Variants in ARL15 observed in about 807,000 individuals in gnomAD.
ARL15 encodes ARF like GTPase 15.
A neutral mutation model predicts 25.2 loss-of-function variants in ARL15; 19 were observed. That is an observed-to-expected ratio of 0.75 (90% CI 0.53 to 1.10). The LOEUF (loss-of-function observed/expected upper bound fraction) is 1.10, where lower values mean the gene tolerates loss of function less well. ARL15 is among the 50% of genes least tolerant of loss of function. The pLI, the probability that ARL15 is intolerant of heterozygous loss-of-function variation, is 0.00. For synonymous variants in ARL15, 94 were observed against 86.8 expected, an observed-to-expected ratio of 1.08 and a Z score of -0.46; for missense variants, 220 against 246.0, an observed-to-expected ratio of 0.89 and a Z score of 0.71.
chr5:54,095,825 AC>A (rs1194866738), intron 4 of ARL15, among the ~76,000 whole-genome samples: 7 of 152,186 alleles, frequency 4.6e-5, no homozygotes, highest in Admixed American at 6.5e-5. Flanking sequence ...CATAAAAAAA[AC>A]ATCCAAAGAG....
At chr5:54,081,329 C>T (rs1751790452) in intron 4 of ARL15, among the ~76,000 whole-genome samples, 1 of 152,110 alleles carries the variant, frequency 6.6e-6, no homozygotes, top group Admixed American at 6.5e-5. Flanking sequence ...CATGGGTACT[C>T]TACTAATGAT....
At chr5:54,135,993 A>G (rs1039952239) in intron 3 of ARL15, among the ~76,000 whole-genome samples, 8 of 152,276 alleles carry the variant, frequency 5.3e-5, no homozygotes, top group Non-Finnish European at 8.8e-5. Context: ...AAATCTGGAA[A>G]ACACTGCCTT....
At chr5:54,197,117 C>A (rs968644201) in intron 1 of ARL15, among the ~76,000 whole-genome samples, 10 of 151,758 alleles carry the variant, frequency 6.6e-5, no homozygotes, top group Non-Finnish European at 1.2e-4. Context: ...TATTTGTTTT[C>A]AGTTTGTTTT....
At chr5:53,913,964 G>A (rs1745546402) in intron 4 of ARL15, among the ~76,000 whole-genome samples, 1 of 152,078 alleles carries the variant, frequency 6.6e-6, no homozygotes, top group South Asian at 2.1e-4. Context: ...CTTATAAACA[G>A]CTTCTTCCCT....
intron 1 of ARL15, among the ~76,000 whole-genome samples, chr5:54,206,157 T>C (rs998160333): frequency 2.0e-5 from 3 of 152,198 alleles, no homozygotes; most frequent in Admixed American, 6.5e-5. Context: ...AGTAGTTACA[T>C]AGTTTATGTA....
At chr5:53,992,436 C>T (rs1748534079) in intron 4 of ARL15, among the ~76,000 whole-genome samples, 1 of 152,120 alleles carries the variant, frequency 6.6e-6, no homozygotes, top group Non-Finnish European at 1.5e-5. Flanking sequence ...CATCTTATAC[C>T]TAGTTAAAAG....
chr5:54,275,124 A>C (rs1028414534), intron 1 of ARL15, among the ~76,000 whole-genome samples: 2 of 152,188 alleles, frequency 1.3e-5, no homozygotes, highest in Non-Finnish European at 2.9e-5. Flanking sequence ...ACACAACACA[A>C]AACCAGTCTT....
chr5:54,017,593 A>G (rs1294305767), intron 4 of ARL15, among the ~76,000 whole-genome samples: 1 of 125,782 alleles, frequency 8.0e-6, no homozygotes, highest in Non-Finnish European at 1.9e-5. Context: ...GGAAGAAAAA[A>G]AAAAAAAAAA....
intron 4 of ARL15, among the ~76,000 whole-genome samples, chr5:53,950,169 C>T (rs1486840950): frequency 1.3e-5 from 2 of 151,800 alleles, no homozygotes; most frequent in Non-Finnish European, 2.9e-5. Context: ...TGGCTCATGC[C>T]TGTAATCCCA....
At chr5:54,176,166 T>C (rs1754865290) in intron 1 of ARL15, among the ~76,000 whole-genome samples, 1 of 152,194 alleles carries the variant, frequency 6.6e-6, no homozygotes, top group Non-Finnish European at 1.5e-5. Flanking sequence ...CCACAGGCTG[T>C]GGAAATAAGG....
intron 3 of ARL15, among the ~76,000 whole-genome samples, chr5:54,131,387 T>C (rs549180808): frequency 2.6e-5 from 4 of 152,322 alleles, no homozygotes; most frequent in African/African-American, 9.6e-5. Flanking sequence ...TGGTTTGAAT[T>C]TCTCCTCCTC....
At chr5:54,004,200 G>C (rs959973902) in intron 4 of ARL15, among the ~76,000 whole-genome samples, 1 of 152,160 alleles carries the variant, frequency 6.6e-6, no homozygotes, top group Non-Finnish European at 1.5e-5. Context: ...CAGTAAGGTA[G>C]TTAAATATTC....
intron 4 of ARL15, among the ~76,000 whole-genome samples, chr5:53,892,627 G>T (rs2111903117): frequency 6.7e-6 from 1 of 149,056 alleles, no homozygotes; most frequent in South Asian, 2.1e-4. Flanking sequence ...TAAAGAAATA[G>T]GCCCTAGCTC....
At chr5:53,920,909 T>C (rs979429292) in intron 4 of ARL15, among the ~76,000 whole-genome samples, 2 of 152,134 alleles carry the variant, frequency 1.3e-5, no homozygotes, top group Non-Finnish European at 2.9e-5. Flanking sequence ...ACTTTTGTGA[T>C]GTCCCCTTTT....
chr5:54,259,371 A>T (rs1195197288), intron 1 of ARL15, among the ~76,000 whole-genome samples: 1 of 152,178 alleles, frequency 6.6e-6, no homozygotes, highest in East Asian at 1.9e-4. Flanking sequence ...TATATAAGTA[A>T]ACTGGAAAAC....
chr5:54,025,842 T>G (rs552726018), intron 4 of ARL15, among the ~76,000 whole-genome samples: 5 of 152,336 alleles, frequency 3.3e-5, no homozygotes, highest in African/African-American at 1.2e-4. Flanking sequence ...TGCATCTTCT[T>G]GGAACTTTTT....
At chr5:53,892,206 A>G (rs922650069) in intron 4 of ARL15, among the ~76,000 whole-genome samples, 6 of 152,366 alleles carry the variant, frequency 3.9e-5, no homozygotes, top group Non-Finnish European at 7.3e-5. Flanking sequence ...TCTGGATAGA[A>G]GACTGTTAAA....
chr5:53,978,220 T>C (rs1022090466), intron 4 of ARL15, among the ~76,000 whole-genome samples: 4 of 152,214 alleles, frequency 2.6e-5, no homozygotes, highest in Non-Finnish European at 5.9e-5. Flanking sequence ...AGTTCAGGAA[T>C]GTTTATGGGT....
chr5:54,065,640 C>T (rs1039600980), intron 4 of ARL15, among the ~76,000 whole-genome samples: 1 of 151,780 alleles, frequency 6.6e-6, no homozygotes, highest in African/African-American at 2.4e-5. Context: ...TGCACTGCAA[C>T]CTGGGCAACA....
Sources: gnomAD v4.1 joint callset for allele counts (sites outside exome capture counted in the v4.1 genomes callset) on GRCh38, gnomAD v4.1.1 for gene constraint, MANE v1.5 for transcripts, NCBI Gene and HGNC (gene_info 2026-07-23, HGNC 2026-07-21) for gene names.